The following RBP4 variants were observed in gnomAD, a reference collection of about 807,000 sequenced individuals.
RBP4 encodes retinol-binding protein 4.
In RBP4, 9 loss-of-function variants were observed where a neutral mutation model predicts 26.2. The ratio of observed to expected loss-of-function variants is 0.34; its 90% confidence interval spans 0.21 to 0.60. The LOEUF (loss-of-function observed/expected upper bound fraction) is 0.60. Among genes scored for constraint, RBP4 ranks in the 20% least tolerant of loss-of-function variants. The probability of loss-of-function intolerance (pLI) is 0.80; values close to 1 mark genes in which losing one functional copy is unlikely to be tolerated. For missense variants in RBP4, 244 were observed against 271.3 expected (o/e 0.90, Z 0.71); for synonymous variants, 114 against 111.0 (o/e 1.03, Z -0.17).
At chr10:93,598,264 C>G (rs1320109619) in intron 4 of RBP4, among the ~76,000 whole-genome samples, 1 of 152,234 alleles carries the variant, frequency 6.6e-6, no homozygotes, top group Non-Finnish European at 1.5e-5. Flanking sequence ...ACTCATGTCT[C>G]AGGCACTGTT....
chr10:93,601,073 C>G, intron 1 of RBP4, 27 bp from the exon 2 acceptor site: 1 of 1,597,304 alleles, frequency 6.3e-7, no homozygotes, highest in South Asian at 1.1e-5. Flanking sequence ...TCCGTCAGTG[C>G]CCGGCAGCCG....
intron 1 of RBP4, 29 bp downstream of exon 1, chr10:93,601,142 C>T: frequency 6.7e-7 from 1 of 1,489,964 alleles, no homozygotes; most frequent in East Asian, 2.6e-5. Flanking sequence ...CATCCCGCCG[C>T]CGGCCCCGAG....
intron 4 of RBP4, among the ~76,000 whole-genome samples, chr10:93,597,043 G>A (rs965105907): frequency 8.5e-5 from 13 of 152,166 alleles, no homozygotes; most frequent in Non-Finnish European, 1.6e-4. Context: ...TAGACCAGTG[G>A]TTCTCAAACT....
chr10:93,593,505 T>C (rs1326861676), intron 5 of RBP4, among the ~76,000 whole-genome samples: 1 of 152,116 alleles, frequency 6.6e-6, no homozygotes, highest in Non-Finnish European at 1.5e-5. Flanking sequence ...TCAGTCACAA[T>C]GGTTTTTTGG....
chr10:93,592,825 A>ATTT (rs541450077), intron 5 of RBP4, among the ~76,000 whole-genome samples: 4 of 146,784 alleles, frequency 2.7e-5, no homozygotes, highest in South Asian at 4.7e-4. Flanking sequence ...TATTATTATT[A>ATTT]TTATTTTTTT....
intron 4 of RBP4, among the ~76,000 whole-genome samples, chr10:93,599,044 A>T (rs1370920974): frequency 6.6e-6 from 1 of 151,544 alleles, no homozygotes; most frequent in Non-Finnish European, 1.5e-5. Flanking sequence ...AGCCCAGGAG[A>T]TCAAGACCAG....
intron 4 of RBP4, among the ~76,000 whole-genome samples, chr10:93,594,612 C>G (rs1022387038): frequency 2.0e-5 from 3 of 152,200 alleles, no homozygotes; most frequent in Non-Finnish European, 4.4e-5. Flanking sequence ...ATGCTACTCA[C>G]TTCTTTGTGC....
intron 4 of RBP4, among the ~76,000 whole-genome samples, chr10:93,595,610 G>A (rs996041779): frequency 3.9e-5 from 6 of 152,218 alleles, no homozygotes; most frequent in Non-Finnish European, 8.8e-5. Context: ...AAGGGGTGAT[G>A]CTCCCTCTGC....
In RBP4 at chr10:93,592,819, A is replaced by ATT. The variant is rs1336687790; in HGVS notation, c.569-709_569-708dup. Among the ~76,000 whole-genome samples, 33 of 150,708 alleles carry ATT rather than the reference A, an allele frequency of 2.2e-4. 1 individual carries two copies. The highest frequency in any genetic ancestry group is 8.1e-4 in the African/African-American group (33 of 40,526). On this transcript the variant is annotated intron_variant, in intron 5 of 5. Transcript: ENST00000371464. ...AAATGCTCCATTTTGTTTGATTATT[A>ATT]TTATTATTATTTTTTTGAGGCAGAA...
Position 93,600,656 on chromosome 10 carries a change from C to T in RBP4, c.248+11G>A. The T allele has an allele frequency of 6.2e-7, 1 of 1,611,828 alleles. No individual in the cohort carries two copies. The highest frequency in any genetic ancestry group is 1.1e-5 in the South Asian group (1 of 90,624). ...AGCGCAAAGGGCGCAGCTGCCCCGGCGGCCACTGACTTCAAAAGACGGACT... is the reference window on the plus strand; with the variant it reads ...AGCGCAAAGGGCGCAGCTGCCCCGGTGGCCACTGACTTCAAAAGACGGACT... On this transcript the variant is annotated intron_variant, in intron 3 of 5. Coordinates refer to ENST00000371464, the MANE Select transcript of RBP4 (RefSeq NM_006744.4).
At chr10:93,595,714 G>A (rs1393949576) in intron 4 of RBP4, among the ~76,000 whole-genome samples, 1 of 152,240 alleles carries the variant, frequency 6.6e-6, no homozygotes, top group Non-Finnish European at 1.5e-5. Flanking sequence ...TTGCCTCTGG[G>A]TGTGCCTCTC....
chr10:93,596,519 C>T (rs545180983), intron 4 of RBP4, among the ~76,000 whole-genome samples: 1 of 152,184 alleles, frequency 6.6e-6, no homozygotes, highest in African/African-American at 2.4e-5. Context: ...CTCTGGAGAA[C>T]CAGACACCCC....
chr10:93,598,161 A>G (rs7070492), intron 4 of RBP4, among the ~76,000 whole-genome samples: 46,963 of 152,116 alleles, frequency 0.31, 7,539 homozygotes, highest in Middle Eastern at 0.4. Flanking sequence ...AGTGGTCTCC[A>G]TGGGTCCTCC....
At chr10:93,592,262 G>A (rs1254118421) in intron 5 of RBP4, 150 bp from the exon 6 acceptor site, 1 of 731,628 alleles carries the variant, frequency 1.4e-6, no homozygotes, top group Non-Finnish European at 2.4e-6. Context: ...TACGGATACA[G>A]GTGGCTGTAA....
chr10:93,601,156 C>A lies in RBP4; in HGVS notation c.-19+15G>T. 1 of 1,464,434 alleles carries A rather than the reference C, an allele frequency of 6.8e-7. No homozygotes were observed. The highest frequency in any genetic ancestry group is 9.0e-7 in the Non-Finnish European group (1 of 1,117,072). The allele number at this position is 1,464,434 out of a possible 1,614,324, so 90.7% of individuals were successfully genotyped here. A position where few individuals can be genotyped will look rare whatever the true frequency, so the allele number is the denominator to read the frequency against. ...CCATCCCGCCGCCGGCCCCGAGGCC[C>A]CGGCCGCGACTCACCACCGGGAGGG... On this transcript the variant is annotated intron_variant, in intron 1 of 5. Coordinates refer to ENST00000371464, the MANE Select transcript of RBP4 (RefSeq NM_006744.4).
intron 1 of RBP4, 50 bp from the exon 2 acceptor site, chr10:93,601,096 GTA>G: frequency 6.3e-7 from 1 of 1,577,760 alleles, no homozygotes; most frequent in East Asian, 2.3e-5. Flanking sequence ...CCCCGCCGCC[GTA>G]TCCCACCTCA....
chr10:93,598,389 A>G (rs1037362759), intron 4 of RBP4, among the ~76,000 whole-genome samples: 2 of 152,246 alleles, frequency 1.3e-5, no homozygotes, highest in Non-Finnish European at 2.9e-5. Context: ...GTGAAGGAAC[A>G]TATCTAAAGT....
At chr10:93,601,305 G>A, upstream of RBP4, 1 of 1,219,500 alleles carries the variant, frequency 8.2e-7, no homozygotes, top group Non-Finnish European at 1.0e-6. Context: ...TAACCGCGCG[G>A]GGTGAAAGAC....
rs768523775 is a variant in RBP4 at position 93,600,528 on chromosome 10, A to G, written c.249-29T>C. On this transcript the variant is annotated intron_variant, in intron 3 of 5. Transcript: ENST00000371464. ...CAAAAGCCAAGGGGATCCTCAGCCA[A>G]GCCGGGCAAAGGGCTTCCTCCCTCC... The G allele has an allele frequency of 1.9e-5, 30 of 1,613,596 alleles. No individual in the cohort carries two copies. In the South Asian group the frequency reaches 2.4e-4, roughly 13 times the overall value.
Sources: gnomAD v4.1 joint callset for allele counts (sites outside exome capture counted in the v4.1 genomes callset) on GRCh38, gnomAD v4.1.1 for gene constraint, MANE v1.5 for transcripts, NCBI Gene and HGNC (gene_info 2026-07-23, HGNC 2026-07-21) for gene names.